Variants in RBMS3 observed in about 807,000 individuals in gnomAD.
The protein encoded by RBMS3 is RNA-binding motif, single-stranded-interacting protein 3.
Under a neutral mutation model 66.8 loss-of-function variants are expected in RBMS3, and 27 were observed. The observed-to-expected ratio is 0.40, with a 90% CI of 0.30 to 0.56. The LOEUF is 0.56. RBMS3 is among the 20% of genes least tolerant of loss of function. The pLI is 0.40. For missense variants in RBMS3, 513 were observed against 549.5 expected (o/e 0.93, Z 0.66); for synonymous variants, 188 against 183.0 (o/e 1.03, Z -0.22).
intron 3 of RBMS3, among the ~76,000 whole-genome samples, chr3:29,514,315 C>T (rs2044526894): frequency 6.6e-6 from 1 of 152,010 alleles, no homozygotes; most frequent in Non-Finnish European, 1.5e-5. Context: ...GTTTGGCAAC[C>T]TAAAGCTACT....
intron 4 of RBMS3, 118 bp downstream of exon 4, chr3:29,587,323 AAT>A (rs2047568508): frequency 1.7e-6 from 1 of 584,810 alleles, no homozygotes; most frequent in Non-Finnish European, 2.6e-6. Context: ...GGAGAGATTA[AAT>A]ATTTCTCCTT....
chr3:29,902,479 G>A (rs902734267), intron 10 of RBMS3, among the ~76,000 whole-genome samples: 3 of 151,470 alleles, frequency 2.0e-5, no homozygotes, highest in Non-Finnish European at 4.4e-5. Context: ...AAACTCTGTG[G>A]CTATAAACAA....
At chr3:29,289,262 T>A (rs1202336274) in intron 1 of RBMS3, among the ~76,000 whole-genome samples, 4 of 151,906 alleles carry the variant, frequency 2.6e-5, no homozygotes, top group Non-Finnish European at 5.9e-5. Context: ...AGAAGGGTGG[T>A]CCATACATAA....
chr3:29,323,390 C>T (rs1354392614), intron 1 of RBMS3, among the ~76,000 whole-genome samples: 4 of 151,842 alleles, frequency 2.6e-5, no homozygotes, highest in Non-Finnish European at 5.9e-5. Flanking sequence ...TAAACTAGGT[C>T]GTATTATTAC....
At chr3:29,911,103 A>C (rs1178188761) in intron 10 of RBMS3, among the ~76,000 whole-genome samples, 2 of 152,014 alleles carry the variant, frequency 1.3e-5, no homozygotes, top group Non-Finnish European at 2.9e-5. Flanking sequence ...CTCACTGTGG[A>C]GGGAGTAGAG....
intron 12 of RBMS3, among the ~76,000 whole-genome samples, chr3:29,950,211 G>A (rs1175125279): frequency 6.6e-6 from 1 of 151,818 alleles, no homozygotes; most frequent in Non-Finnish European, 1.5e-5. Context: ...AGAGAAAAAC[G>A]ACGCTTAGTG....
At chr3:29,674,852 C>CCAT (rs2051171420) in intron 4 of RBMS3, among the ~76,000 whole-genome samples, 2 of 151,784 alleles carry the variant, frequency 1.3e-5, no homozygotes, top group African/African-American at 4.8e-5. Flanking sequence ...AGATTAAATG[C>CCAT]CATCCCCATC....
intron 1 of RBMS3, among the ~76,000 whole-genome samples, chr3:29,303,039 TC>T (rs1345629378): frequency 1.3e-5 from 2 of 151,986 alleles, no homozygotes; most frequent in African/African-American, 4.8e-5. Flanking sequence ...AAGGTCTATT[TC>T]CTAAGGCCTC....
At chr3:29,907,539 G>A (rs938976677) in intron 10 of RBMS3, among the ~76,000 whole-genome samples, 15 of 151,872 alleles carry the variant, frequency 9.9e-5, no homozygotes, top group African/African-American at 2.9e-4. Flanking sequence ...GTAATTAATT[G>A]TATCATAATT....
chr3:29,540,987 C>G (rs2045735304), intron 3 of RBMS3, among the ~76,000 whole-genome samples: 1 of 152,134 alleles, frequency 6.6e-6, no homozygotes, highest in African/African-American at 2.4e-5. Context: ...CGCAGCTAAT[C>G]TTGTATTTGC....
At chr3:29,973,835 C>T (rs1697382511) in intron 12 of RBMS3, among the ~76,000 whole-genome samples, 1 of 151,924 alleles carries the variant, frequency 6.6e-6, no homozygotes, top group African/African-American at 2.4e-5. Context: ...GACCCTATGG[C>T]AACAGTTCTT....
At chr3:29,525,293 A>T (rs2045049607) in intron 3 of RBMS3, among the ~76,000 whole-genome samples, 1 of 152,104 alleles carries the variant, frequency 6.6e-6, no homozygotes, top group Admixed American at 6.6e-5. Context: ...TAAAAATAAA[A>T]AGGCCATGGT....
chr3:29,774,687 C>G (rs534942332), intron 6 of RBMS3, among the ~76,000 whole-genome samples: 2 of 152,014 alleles, frequency 1.3e-5, no homozygotes, highest in East Asian at 3.9e-4. Flanking sequence ...CACTCTGATT[C>G]TCTCATGAAT....
At chr3:29,649,719 C>T (rs896046745) in intron 4 of RBMS3, among the ~76,000 whole-genome samples, 2 of 152,142 alleles carry the variant, frequency 1.3e-5, no homozygotes, top group African/African-American at 2.4e-5. Flanking sequence ...GAAACAAGGA[C>T]AAGTTTACTT....
chr3:29,692,131 G>A (rs1400234965), intron 4 of RBMS3, among the ~76,000 whole-genome samples: 1 of 151,358 alleles, frequency 6.6e-6, no homozygotes, highest in African/African-American at 2.4e-5. Flanking sequence ...ACAGATGCCT[G>A]CCACTATGCC....
intron 1 of RBMS3, among the ~76,000 whole-genome samples, chr3:29,313,889 C>T (rs575767849): frequency 9.9e-5 from 15 of 151,780 alleles, no homozygotes; most frequent in South Asian, 2.1e-4. Flanking sequence ...AGTTGACTTT[C>T]GGCAAAAGGA....
chr3:29,789,973 G>A (rs903868928), intron 6 of RBMS3, among the ~76,000 whole-genome samples: 1 of 152,126 alleles, frequency 6.6e-6, no homozygotes, highest in Non-Finnish European at 1.5e-5. Context: ...CACAGGCATT[G>A]CTATCAATTT....
At chr3:29,352,931 T>TCA (rs2037002685) in intron 1 of RBMS3, among the ~76,000 whole-genome samples, 1 of 151,970 alleles carries the variant, frequency 6.6e-6, no homozygotes, top group African/African-American at 2.4e-5. Flanking sequence ...TCATTCTTTT[T>TCA]TTTTTTATGG....
intron 2 of RBMS3, among the ~76,000 whole-genome samples, chr3:29,478,394 A>C (rs2043020988): frequency 1.3e-5 from 2 of 152,194 alleles, no homozygotes. Flanking sequence ...TTGTCCTCAC[A>C]TGATGGAAGT....
Sources: allele counts gnomAD v4.1 joint callset (sites outside exome capture counted in the v4.1 genomes callset), GRCh38; gene constraint gnomAD v4.1.1; transcripts MANE v1.5; gene names NCBI Gene and HGNC (gene_info 2026-07-23, HGNC 2026-07-21).